SERAC1: variants seen among roughly 807,000 people sequenced by gnomAD.
SERAC1 encodes serine active site containing 1, also known as protein SERAC1.
Under a neutral mutation model 85.7 loss-of-function variants are expected in SERAC1, and 36 were observed. That is an observed-to-expected ratio of 0.42 (90% CI 0.32 to 0.55). The LOEUF is 0.55. Among genes scored for constraint, SERAC1 ranks in the 20% least tolerant of loss-of-function variants. The pLI, the probability that SERAC1 is intolerant of heterozygous loss-of-function variation, is 0.11. For missense variants in SERAC1, 629 were observed against 796.2 expected, an observed-to-expected ratio of 0.79 and a Z score of 2.53; for synonymous variants, 242 against 265.3, an observed-to-expected ratio of 0.91 and a Z score of 0.85.
rs543675506 is a variant in SERAC1, at chr6:158,157,318, G to A, written c.91+955C>T. Reference sequence around the variant, plus strand: ...AGCCTTAACCTATAATTTATTGCACGTATTGAGACAGTCCTTTGTTCAGAG... The same window carrying A: ...AGCCTTAACCTATAATTTATTGCACATATTGAGACAGTCCTTTGTTCAGAG... On this transcript the variant is annotated intron_variant, in intron 2 of 16. Coordinates refer to ENST00000647468, the MANE Select transcript of SERAC1 (RefSeq NM_032861.4). 2.4e-4 allele frequency among the ~76,000 whole-genome samples: 36 copies of A among 152,218 alleles called. No individual in the cohort carries two copies. The South Asian group carries it at 7.0e-3, about 30-fold the overall frequency.
Position 158,109,558 on chromosome 6 carries a change from G to A in SERAC1, c.*1808C>T, listed in dbSNP as rs1030037041. ...TTTATTGATGAGCCATTTACCTTCA[G>A]ATGCCATACTCCAGTTTTAGCTTCG... On this transcript the variant is annotated 3_prime_UTR_variant, in exon 17 of 17. Coordinates refer to ENST00000647468, the MANE Select transcript of SERAC1 (RefSeq NM_032861.4). The A allele has an allele frequency of 6.6e-6, 1 of 152,092 alleles. No homozygotes were observed. Among genetic ancestry groups the A allele is most frequent in the Non-Finnish European group, 1.5e-5 (1 of 68,030 alleles). The allele number at this position is 152,092 out of a possible 1,614,324, so 9.4% of individuals were successfully genotyped here. A position where few individuals can be genotyped will look rare whatever the true frequency, so the allele number is the denominator to read the frequency against.
At chr6:158,115,078 C>CT (rs1353797904) in intron 14 of SERAC1, 107 bp from the exon 15 acceptor site, 97 of 1,222,546 alleles carry the variant, frequency 7.9e-5, no homozygotes, top group Middle Eastern at 2.1e-4. Context: ...GAGATGCTTT[C>CT]TTTTTAAAAA....
chr6:158,114,220 A>C (rs1222942455), intron 15 of SERAC1, among the ~76,000 whole-genome samples: 1 of 152,196 alleles, frequency 6.6e-6, no homozygotes, highest in Non-Finnish European at 1.5e-5. Flanking sequence ...CGTACGGAAA[A>C]CACAATCTGA....
At chr6:158,121,952 T>C (rs1210913404) in intron 10 of SERAC1, among the ~76,000 whole-genome samples, 4 of 152,252 alleles carry the variant, frequency 2.6e-5, no homozygotes, top group African/African-American at 4.8e-5. Flanking sequence ...TTTAAAATTA[T>C]ATAACATCTG....
intron 10 of SERAC1, among the ~76,000 whole-genome samples, chr6:158,126,585 C>A (rs1426214910): frequency 6.6e-5 from 10 of 152,084 alleles, no homozygotes; most frequent in Non-Finnish European, 1.3e-4. Flanking sequence ...GCTAGAAAAT[C>A]ATTTTAAAAC....
At chr6:158,147,836 C>T (rs1785109036) in intron 5 of SERAC1, among the ~76,000 whole-genome samples, 1 of 136,856 alleles carries the variant, frequency 7.3e-6, no homozygotes, top group Non-Finnish European at 1.5e-5. Context: ...GATTCAATAA[C>T]TGTTATTATT....
chr6:158,120,378 C>T lies in SERAC1; in HGVS notation c.1166+47G>A. Reference sequence around the variant, plus strand: ...AAGTTAAAAATTTGAGGCCTCTAGGCTTCACATTTCCAAAGGGGACAAAGC... The same window carrying T: ...AAGTTAAAAATTTGAGGCCTCTAGGTTTCACATTTCCAAAGGGGACAAAGC... On this transcript the variant is annotated intron_variant, in intron 11 of 16. Transcript: ENST00000647468. The surrounding 1 kb of genome is among the most constrained non-coding windows in gnomAD (Gnocchi z 4.4). The T allele has an allele frequency of 6.4e-7, 1 of 1,565,612 alleles. No individual in the cohort carries two copies. Among genetic ancestry groups the T allele is most frequent in the East Asian group, 2.3e-5 (1 of 43,644 alleles).
intron 8 of SERAC1, among the ~76,000 whole-genome samples, chr6:158,134,877 C>T (rs1305169856): frequency 6.6e-6 from 1 of 152,050 alleles, no homozygotes; most frequent in Non-Finnish European, 1.5e-5. Flanking sequence ...AATATATTAA[C>T]ATTCAAGCAG....
At position 158,119,105 on chromosome 6, in the gene SERAC1, C is replaced by T. The variant is rs139667110; in HGVS notation, c.1232G>A (p.Arg411His). The change falls in exon 12 of 17, where the codon CGC becomes CAC. Residue 411 changes from arginine (R) to histidine (H), a missense_variant. Coordinates refer to ENST00000647468, the MANE Select transcript of SERAC1 (RefSeq NM_032861.4). The surrounding 1 kb of genome is among the most constrained non-coding windows in gnomAD (Gnocchi z 4.5). Reference sequence around the variant, plus strand: ...TACAGCCTGCTCACTGTCCTGCTGGCGCCATGTTTTGAATGCTGCTCCCAT... The same window carrying T: ...TACAGCCTGCTCACTGTCCTGCTGGTGCCATGTTTTGAATGCTGCTCCCAT... ...GLMGAAFKTW[R>H]QQDSEQAVIE... The T allele has an allele frequency of 7.4e-6, 12 of 1,613,668 alleles. No individual in the cohort carries two copies. The highest frequency in any genetic ancestry group is 1.1e-5 in the South Asian group (1 of 91,044).
At chr6:158,161,951 AC>A (rs1400607828) in intron 1 of SERAC1, 6 of 152,286 alleles carry the variant, frequency 3.9e-5, no homozygotes, top group East Asian at 1.9e-4. Flanking sequence ...CACAAAAAAA[AC>A]GTTCATTCCT....
At chr6:158,160,070 T>C (rs1785451770) in intron 1 of SERAC1, among the ~76,000 whole-genome samples, 1 of 152,212 alleles carries the variant, frequency 6.6e-6, no homozygotes, top group Non-Finnish European at 1.5e-5. Context: ...GTTGTTTCTA[T>C]AGTCCTGCTA....
chr6:158,116,656 G>T, intron 13 of SERAC1: 1 of 172,750 alleles, frequency 5.8e-6, no homozygotes, highest in Non-Finnish European at 1.2e-5. Context: ...CATTGTTGGA[G>T]CACCTGTGTC....
intron 2 of SERAC1, 42 bp from the exon 3 acceptor site, chr6:158,155,393 A>C (rs186002179): frequency 8.2e-7 from 1 of 1,216,092 alleles, no homozygotes; most frequent in South Asian, 1.2e-5. Flanking sequence ...TTCATTTTTA[A>C]AAGTGTGAAA....
At chr6:158,142,920 C>T (rs1784951290) in intron 8 of SERAC1, 136 bp downstream of exon 8, 3 of 655,736 alleles carry the variant, frequency 4.6e-6, no homozygotes, top group South Asian at 2.0e-5. Context: ...TCATCCCTGA[C>T]ATCCAGCCCA....
At chr6:158,147,012 G>A in intron 5 of SERAC1, 99 bp from the exon 6 acceptor site, 1 of 1,256,210 alleles carries the variant, frequency 8.0e-7, no homozygotes, top group Non-Finnish European at 1.1e-6. Context: ...ATCTACAATT[G>A]GAGAGTTAAA....
chr6:158,149,446 T>C (rs1173275132), intron 4 of SERAC1, among the ~76,000 whole-genome samples: 1 of 152,134 alleles, frequency 6.6e-6, no homozygotes, highest in Non-Finnish European at 1.5e-5. Flanking sequence ...AGCTCTCAAT[T>C]CCAAAATAAG....
chr6:158,123,159 T>C (rs998134162), intron 10 of SERAC1, among the ~76,000 whole-genome samples: 1 of 152,150 alleles, frequency 6.6e-6, no homozygotes, highest in Non-Finnish European at 1.5e-5. Context: ...AAAGAAGGTA[T>C]ATGTAGGTAA....
chr6:158,155,417 A>T, intron 2 of SERAC1, 66 bp from the exon 3 acceptor site: 2 of 903,726 alleles, frequency 2.2e-6, no homozygotes, highest in Admixed American at 3.9e-5. Flanking sequence ...AATAGGCAAC[A>T]GTGTAAGTCT....
At chr6:158,167,375 T>C (rs1785626227) in intron 1 of SERAC1, among the ~76,000 whole-genome samples, 1 of 151,438 alleles carries the variant, frequency 6.6e-6, no homozygotes, top group African/African-American at 2.4e-5. Context: ...CCGTGTCTAC[T>C]AAAAATACGA....
Sources: allele counts gnomAD v4.1 joint callset (sites outside exome capture counted in the v4.1 genomes callset), GRCh38; gene constraint gnomAD v4.1.1; non-coding constraint Gnocchi (gnomAD v3.1); transcripts MANE v1.5; gene names NCBI Gene and HGNC (gene_info 2026-07-23, HGNC 2026-07-21).